Variants in RASAL2 observed in about 807,000 individuals in gnomAD.
The protein encoded by RASAL2 is ras GTPase-activating protein nGAP.
Under a neutral mutation model 128.9 loss-of-function variants are expected in RASAL2, and 58 were observed. The ratio of observed to expected loss-of-function variants is 0.45; its 90% CI spans 0.36 to 0.56. The LOEUF (loss-of-function observed/expected upper bound fraction) is 0.56. RASAL2 is among the 20% of genes least tolerant of loss of function. The pLI is 0.00. For synonymous variants in RASAL2, 561 were observed against 580.8 expected (o/e 0.97, Z 0.49); for missense variants, 1,360 against 1,601.6 (o/e 0.85, Z 2.57).
At chr1:178,315,113 A>G (rs1668443958) in intron 3 of RASAL2, among the ~76,000 whole-genome samples, 1 of 141,792 alleles carries the variant, frequency 7.1e-6, no homozygotes, top group Admixed American at 7.2e-5. Flanking sequence ...TACAAAGGAC[A>G]TGAACTCATC....
chr1:178,240,935 A>T (rs887285159), intron 1 of RASAL2, among the ~76,000 whole-genome samples: 5 of 151,150 alleles, frequency 3.3e-5, no homozygotes, highest in African/African-American at 1.2e-4. Flanking sequence ...ACATATTTTT[A>T]TTTTTATTCA....
rs1220606624 is a variant in RASAL2 at position 178,146,422 on chromosome 1, C to T, written c.202+51728C>T. The stretch of plus-strand genomic sequence containing the variant: ...ATAGTCAGATTGCATTCTTTGTTTT[C>T]TTATGTTCAAAAATAATTAGAGAAA... On this transcript the variant is annotated intron_variant, in intron 1 of 17. Coordinates refer to ENST00000367649, the MANE Select transcript of RASAL2 (RefSeq NM_170692.4). Among the ~76,000 whole-genome samples the T allele has an allele frequency of 2.6e-5, 4 of 152,248 alleles. No homozygotes were observed. The East Asian group carries it at 7.7e-4, about 29-fold the overall frequency.
Position 178,340,306 on chromosome 1 carries a change from G to A in RASAL2, c.457+40188G>A, listed in dbSNP as rs1019698094. Among the ~76,000 whole-genome samples the A allele has an allele frequency of 4.9e-4, 75 of 152,084 alleles. 1 individual carries two copies. The highest frequency in any genetic ancestry group is 7.2e-4 in the Non-Finnish European group (49 of 68,012). ...GTTCTACTGCTTTAATGTGGCAGGTGGAGTCCACTGTGATTCAAACTATGA... is the reference window on the plus strand; with the variant it reads ...GTTCTACTGCTTTAATGTGGCAGGTAGAGTCCACTGTGATTCAAACTATGA... On this transcript the variant is annotated intron_variant, in intron 3 of 17. Coordinates refer to ENST00000367649, the MANE Select transcript of RASAL2 (RefSeq NM_170692.4).
intron 3 of RASAL2, among the ~76,000 whole-genome samples, chr1:178,353,546 A>T (rs1220933802): frequency 6.6e-6 from 1 of 152,014 alleles, no homozygotes; most frequent in Admixed American, 6.5e-5. Context: ...GGGAGTTCCA[A>T]ATTTTCCCTC....
At chr1:178,464,721 T>C (rs1416006557) in intron 15 of RASAL2, among the ~76,000 whole-genome samples, 1 of 151,840 alleles carries the variant, frequency 6.6e-6, no homozygotes, top group Non-Finnish European at 1.5e-5. Context: ...TAGGTAAATA[T>C]TTCATGTTTC....
intron 2 of RASAL2, among the ~76,000 whole-genome samples, chr1:178,296,658 C>T (rs1461290635): frequency 6.6e-6 from 1 of 150,726 alleles, no homozygotes; most frequent in Non-Finnish European, 1.5e-5. Context: ...CCCTACTGCA[C>T]CTGGCCTTGA....
intron 5 of RASAL2, among the ~76,000 whole-genome samples, chr1:178,437,334 C>T (rs1676315659): frequency 6.6e-6 from 1 of 152,000 alleles, no homozygotes; most frequent in Non-Finnish European, 1.5e-5. Flanking sequence ...AAGCCATCTT[C>T]TATTTGTTCT....
At chr1:178,413,872 A>G (rs924878156) in intron 4 of RASAL2, among the ~76,000 whole-genome samples, 6 of 152,230 alleles carry the variant, frequency 3.9e-5, no homozygotes, top group African/African-American at 1.4e-4. Flanking sequence ...AGAAATGAAG[A>G]ATGCCTTTTA....
chr1:178,205,039 C>G (rs1558113677), intron 1 of RASAL2, among the ~76,000 whole-genome samples: 1 of 152,212 alleles, frequency 6.6e-6, no homozygotes, highest in Non-Finnish European at 1.5e-5. Context: ...GAGTCTTGCT[C>G]TGTCGCCCAG....
rs746573717 is a variant in RASAL2, at chr1:178,458,398, C to T, written c.3106C>T (p.Arg1036Cys). 2.0e-5 allele frequency: 33 copies of T among 1,614,088 alleles called. No individual in the cohort carries two copies. In the East Asian group the frequency reaches 4.9e-4, roughly 24 times the overall value. Residue 1036 changes from arginine (R) to cysteine (C), a missense_variant, in exon 14 of 18, where the codon CGT becomes TGT. Physicochemically the swap from Arg to Cys is radical, Grantham distance 180. Coordinates refer to ENST00000367649, the MANE Select transcript of RASAL2 (RefSeq NM_170692.4). ...ATCCCTGCCACACAGTGCTTCTTTA[C>T]GTAGCACCGGGAGCATGTCAGTGGT... ...PPSLPHSASL[R>C]STGSMSVVSA...
In RASAL2 at chr1:178,420,604, C is replaced by A. The variant is rs1325202164; in HGVS notation, c.658C>A (p.Arg220Ser). The A allele has an allele frequency of 4.4e-6, 7 of 1,608,022 alleles. No homozygotes were observed. The highest frequency in any genetic ancestry group is 6.0e-6 in the Non-Finnish European group (7 of 1,175,606). ...RNTSFRLPSLRSTDDRSRGLP... is the reference protein window; with the variant it reads ...RNTSFRLPSLSSTDDRSRGLP... ...CACGAGCTTTCGGCTTCCATCCCTT[C>A]GCAGTACAGATGACAGGTAGGAAGT... The change falls in exon 5 of 18, where the codon CGC becomes AGC. Residue 220 changes from arginine (R) to serine (S), a missense_variant. Physicochemically the swap from Arg to Ser is moderately radical, Grantham distance 110 (BLOSUM62 -1). This residue lies in a region of RASAL2 where 617 missense variants were observed against 714.2 expected (regional missense o/e 0.86). Coordinates refer to ENST00000367649, the MANE Select transcript of RASAL2 (RefSeq NM_170692.4).
intron 3 of RASAL2, among the ~76,000 whole-genome samples, chr1:178,364,140 T>C (rs1252615241): frequency 6.6e-6 from 1 of 152,098 alleles, no homozygotes; most frequent in Non-Finnish European, 1.5e-5. Flanking sequence ...GCCTTTTTAT[T>C]TGGCCACTAA....
intron 1 of RASAL2, among the ~76,000 whole-genome samples, chr1:178,114,079 T>C (rs1659440063): frequency 6.6e-6 from 1 of 152,140 alleles, no homozygotes. Flanking sequence ...TTTGTTTTGT[T>C]TTGTTTTTTG....
chr1:178,392,625 CTAAG>C (rs1169963580), intron 4 of RASAL2, among the ~76,000 whole-genome samples: 1 of 152,114 alleles, frequency 6.6e-6, no homozygotes, highest in African/African-American at 2.4e-5. Flanking sequence ...GACTCTTCTC[CTAAG>C]TGAGTCTTTT....
rs577378190 is a variant in RASAL2 at position 178,295,812 on chromosome 1, T to C, written c.331-4180T>C. 3.0e-4 allele frequency among the ~76,000 whole-genome samples: 45 copies of C among 152,208 alleles called. 1 individual carries two copies. The highest frequency in any genetic ancestry group is 4.1e-4 in the South Asian group (2 of 4,832). ...AATAAGAAAGTTGAGGAATTGTTTTTTCTTTAAAGTACTGAAAAATCCTCT... is the reference window on the plus strand; with the variant it reads ...AATAAGAAAGTTGAGGAATTGTTTTCTCTTTAAAGTACTGAAAAATCCTCT... On this transcript the variant is annotated intron_variant, in intron 2 of 17. Transcript: ENST00000367649.
chr1:178,295,248 A>G (rs1250018787), intron 2 of RASAL2, among the ~76,000 whole-genome samples: 1 of 151,388 alleles, frequency 6.6e-6, no homozygotes, highest in Non-Finnish European at 1.5e-5. Flanking sequence ...TCTCCCAAAA[A>G]AAAAAAAACA....
intron 3 of RASAL2, among the ~76,000 whole-genome samples, chr1:178,379,575 A>G (rs1376692149): frequency 6.6e-6 from 1 of 152,212 alleles, no homozygotes; most frequent in African/African-American, 2.4e-5. Flanking sequence ...ATCAGTGATA[A>G]TTCAGTTTTT....
intron 1 of RASAL2, among the ~76,000 whole-genome samples, chr1:178,212,429 G>T (rs1372908942): frequency 6.6e-6 from 1 of 152,178 alleles, no homozygotes; most frequent in Non-Finnish European, 1.5e-5. Flanking sequence ...CGGAGGAACT[G>T]GTAAGAGGCG....
intron 4 of RASAL2, among the ~76,000 whole-genome samples, chr1:178,413,688 T>A (rs1674562037): frequency 6.6e-6 from 1 of 152,126 alleles, no homozygotes; most frequent in South Asian, 2.1e-4. Context: ...AGAACCAGCC[T>A]CAGAAAATAT....
Sources: allele counts gnomAD v4.1 joint callset (sites outside exome capture counted in the v4.1 genomes callset), GRCh38; gene constraint gnomAD v4.1.1; regional missense constraint gnomAD v4.1.1; transcripts MANE v1.5; gene names NCBI Gene and HGNC (gene_info 2026-07-23, HGNC 2026-07-21).